The following PCDHGA1 variants were observed in gnomAD, a reference collection of about 807,000 sequenced individuals.
PCDHGA1 encodes protocadherin gamma-A1.
A neutral mutation model predicts 58.0 loss-of-function variants in PCDHGA1; 32 were observed. The observed-to-expected ratio is 0.55, with a 90% CI of 0.42 to 0.74. The LOEUF is 0.74. PCDHGA1 is among the 30% of genes least tolerant of loss of function. The probability of loss-of-function intolerance (pLI) is 0.00; values close to 1 mark genes in which losing one functional copy is unlikely to be tolerated. For missense variants in PCDHGA1, 1,205 were observed against 1,182.3 expected, an observed-to-expected ratio of 1.02 and a Z score of -0.28; for synonymous variants, 498 against 501.1, an observed-to-expected ratio of 0.99 and a Z score of 0.08.
chr5:141,462,652 A>T (rs201168659), intron 1 of PCDHGA1, among the ~76,000 whole-genome samples: 1 of 80,348 alleles, frequency 1.2e-5, no homozygotes, highest in African/African-American at 7.4e-5. Flanking sequence ...TTCCATCCTC[A>T]ATTATCTTCA....
intron 1 of PCDHGA1, chr5:141,341,012 T>C (rs11575970): frequency 6.2e-7 from 1 of 1,613,972 alleles, no homozygotes; most frequent in South Asian, 1.1e-5. Flanking sequence ...CCTCGAGCCC[T>C]CCGCCATACC....
At chr5:141,408,500 A>G in intron 1 of PCDHGA1, 1 of 1,614,018 alleles carries the variant, frequency 6.2e-7, no homozygotes, top group Non-Finnish European at 8.5e-7. Context: ...CAAAGAGAGA[A>G]GAAGATGTGA....
intron 1 of PCDHGA1, among the ~76,000 whole-genome samples, chr5:141,447,863 A>G (rs553375129): frequency 6.6e-6 from 1 of 152,254 alleles, no homozygotes; most frequent in East Asian, 1.9e-4. Flanking sequence ...AGGTGGGTGA[A>G]TCATCTGAGG....
chr5:141,416,120 A>C (rs2095996372), intron 1 of PCDHGA1: 1 of 155,288 alleles, frequency 6.4e-6, no homozygotes, highest in African/African-American at 2.4e-5. Context: ...ACTACATTTT[A>C]TATATTTTTC....
intron 1 of PCDHGA1, chr5:141,372,737 A>G (rs1451601916): frequency 6.2e-7 from 1 of 1,613,388 alleles, no homozygotes; most frequent in African/African-American, 1.3e-5. Context: ...AAGATCTTCT[A>G]TGTGATGAAG....
intron 1 of PCDHGA1, chr5:141,375,721 G>T (rs1194190814): frequency 6.2e-7 from 1 of 1,614,266 alleles, no homozygotes; most frequent in South Asian, 1.1e-5. Context: ...GCAGCAACGT[G>T]TCACTGAGCC....
chr5:141,352,839 T>G (rs932260905), intron 1 of PCDHGA1: 1 of 717,666 alleles, frequency 1.4e-6, no homozygotes, highest in African/African-American at 1.8e-5. Context: ...ATTACAAAAA[T>G]TAGTTGGGTG....
In PCDHGA1 at chr5:141,340,979, G is replaced by A. The variant is rs755988520; in HGVS notation, c.2421+7874G>A. ...CGTGGCCGTGGCCGACAGGATCCCC[G>A]ACATCCTGGCCGACCTGGGCAGCCT... On this transcript the variant is annotated intron_variant, in intron 1 of 3. Transcript: ENST00000517417. 3.1e-6 allele frequency: 5 copies of A among 1,613,790 alleles called. No homozygotes were observed. Among genetic ancestry groups the A allele is most frequent in the Non-Finnish European group, 4.2e-6 (5 of 1,179,852 alleles).
chr5:141,354,642 T>C (rs554311195), intron 1 of PCDHGA1, among the ~76,000 whole-genome samples: 1 of 152,322 alleles, frequency 6.6e-6, no homozygotes, highest in South Asian at 2.1e-4. Flanking sequence ...GTCTCATCCA[T>C]TTTTCAAGTC....
intron 1 of PCDHGA1, among the ~76,000 whole-genome samples, chr5:141,430,366 A>G (rs551419486): frequency 3.3e-5 from 5 of 150,370 alleles, no homozygotes; most frequent in Admixed American, 6.7e-5. Context: ...CTCATTGGGG[A>G]AAAAAAAGCT....
intron 1 of PCDHGA1, chr5:141,423,483 A>G (rs767321755): frequency 1.9e-6 from 3 of 1,613,974 alleles, no homozygotes; most frequent in Middle Eastern, 3.3e-4. Flanking sequence ...CTTTCCTGCA[A>G]ACCTATTCCC....
In PCDHGA1 at chr5:141,330,719, G is replaced by A. The variant is rs770115378; in HGVS notation, c.35G>A (p.Arg12Lys). 6.2e-7 allele frequency: 1 copy of A among 1,612,216 alleles called. No homozygotes were observed. The highest frequency in any genetic ancestry group is 2.2e-5 in the East Asian group (1 of 44,834). The change falls in exon 1 of 4, where the codon AGG becomes AAG. Residue 12 changes from arginine to lysine, a missense_variant. By Grantham distance (26) the Arg-to-Lys change is conservative. Coordinates refer to ENST00000517417, the MANE Select transcript of PCDHGA1 (RefSeq NM_018912.3). ...CAGAAAAAGCTGACTGGCTGCAGCA[G>A]GCTGATGCTTCTGTGTCTTTCTCTG... ...KIQKKLTGCSRLMLLCLSLEL... is the reference protein window; with the variant it reads ...KIQKKLTGCSKLMLLCLSLEL...
intron 1 of PCDHGA1, chr5:141,375,224 C>G (rs1771263153): frequency 6.2e-7 from 1 of 1,613,976 alleles, no homozygotes; most frequent in Non-Finnish European, 8.5e-7. Flanking sequence ...CCTGAATGGC[C>G]TGGTAACCTG....
chr5:141,394,487 C>A, intron 1 of PCDHGA1: 1 of 1,614,248 alleles, frequency 6.2e-7, no homozygotes. Context: ...AGAATGACAA[C>A]GCGCCCGAGA....
intron 1 of PCDHGA1, among the ~76,000 whole-genome samples, chr5:141,425,386 G>C (rs2096871887): frequency 6.6e-6 from 1 of 152,224 alleles, no homozygotes; most frequent in South Asian, 2.1e-4. Context: ...TTCGGAGGTA[G>C]TGATAAAGTT....
intron 1 of PCDHGA1, chr5:141,441,746 C>T: frequency 2.7e-6 from 1 of 371,314 alleles, no homozygotes; most frequent in East Asian, 9.8e-5. Flanking sequence ...TCGCGCTCGG[C>T]GTCAACGTGA....
rs367919924 is a variant in PCDHGA1, at chr5:141,487,711, T to A, written c.2422-7096T>A. The A allele has an allele frequency of 1.1e-5, 18 of 1,586,144 alleles. No individual in the cohort carries two copies. In the African/African-American group the frequency reaches 2.1e-4, roughly 19 times the overall value. On this transcript the variant is annotated intron_variant, in intron 1 of 3. Transcript: ENST00000517417. The surrounding 1 kb of genome is among the most constrained non-coding windows in gnomAD (Gnocchi z 5.0). ...TAGAGAGTACTGGCCTCTCAGTAAG[T>A]GCCCATAGTGATGTCACCATTTTTG...
chr5:141,361,139 T>C (rs1305491971), intron 1 of PCDHGA1: 10 of 1,613,760 alleles, frequency 6.2e-6, no homozygotes, highest in Admixed American at 1.7e-5. Flanking sequence ...AGTATCCAAG[T>C]TGAAATTCTT....
At chr5:141,400,235 T>TGATTCTGGCCGTTGCC in intron 1 of PCDHGA1, 1 of 1,614,006 alleles carries the variant, frequency 6.2e-7, no homozygotes, top group East Asian at 2.2e-5. Flanking sequence ...CTCCTGGCCG[T>TGATTCTGGCCGTTGCC]GATTCTGGCC....
Sources: gnomAD v4.1 joint callset for allele counts (sites outside exome capture counted in the v4.1 genomes callset) on GRCh38, gnomAD v4.1.1 for gene constraint, Gnocchi (gnomAD v3.1) non-coding constraint, MANE v1.5 for transcripts, NCBI Gene and HGNC (gene_info 2026-07-23, HGNC 2026-07-21) for gene names.